The following BSCL2 variants were observed in gnomAD, a reference collection of about 807,000 sequenced individuals.
The protein encoded by BSCL2 is seipin.
A neutral mutation model predicts 57.4 loss-of-function variants in BSCL2; 41 were observed. That is an observed-to-expected ratio of 0.71 (90% CI 0.56 to 0.93). The LOEUF (loss-of-function observed/expected upper bound fraction) is 0.93, where lower values mean the gene tolerates loss of function less well. Ranked by LOEUF, BSCL2 falls within the 40% of genes least tolerant of loss-of-function variation. The pLI, the probability that BSCL2 is intolerant of heterozygous loss-of-function variation, is 0.00. For synonymous variants in BSCL2, 237 were observed against 227.3 expected, an observed-to-expected ratio of 1.04 and a Z score of -0.38; for missense variants, 539 against 586.7, an observed-to-expected ratio of 0.92 and a Z score of 0.84.
intron 3 of BSCL2, chr11:62,697,704 G>C (rs1380051357): frequency 2.0e-5 from 3 of 149,292 alleles, no homozygotes; most frequent in African/African-American, 4.9e-5. Flanking sequence ...TGAGGCAAGA[G>C]AATCACTTGA....
chr11:62,702,925 C>A (rs111937098), intron 2 of BSCL2, among the ~76,000 whole-genome samples: 1 of 151,972 alleles, frequency 6.6e-6, no homozygotes, highest in Admixed American at 6.5e-5. Flanking sequence ...CCGAGGAGGG[C>A]GGATCACCTG....
At chr11:62,695,584 G>A (rs1228530906) in intron 3 of BSCL2, among the ~76,000 whole-genome samples, 2 of 151,484 alleles carry the variant, frequency 1.3e-5, no homozygotes, top group African/African-American at 2.4e-5. Flanking sequence ...GGTGGCAGGC[G>A]CCTGTAATCT....
intron 1 of BSCL2, chr11:62,706,202 C>T: frequency 9.4e-7 from 1 of 1,063,500 alleles, no homozygotes; most frequent in Non-Finnish European, 1.1e-6. Context: ...GGAGCCCCTA[C>T]CTAATCGTGC....
chr11:62,691,986 A>G (rs1945323518), intron 6 of BSCL2, among the ~76,000 whole-genome samples: 1 of 151,386 alleles, frequency 6.6e-6, no homozygotes, highest in Non-Finnish European at 1.5e-5. Context: ...CGGGAGGCAG[A>G]GCTTGCAGTG....
intron 3 of BSCL2, 57 bp from the exon 4 acceptor site, chr11:62,694,768 C>T: frequency 6.4e-7 from 1 of 1,571,876 alleles, no homozygotes; most frequent in Non-Finnish European, 8.7e-7. Flanking sequence ...AATGTACTGT[C>T]TCTATTCCAC....
upstream of BSCL2, chr11:62,707,450 A>T (rs913261563): frequency 1.4e-6 from 1 of 692,768 alleles, no homozygotes; most frequent in Admixed American, 2.0e-5. Flanking sequence ...CAGCCAGTAC[A>T]GACTCCACTG....
intron 3 of BSCL2, among the ~76,000 whole-genome samples, chr11:62,701,786 C>T (rs979400321): frequency 1.4e-5 from 2 of 147,358 alleles, no homozygotes; most frequent in African/African-American, 2.5e-5. Flanking sequence ...GAGCTGAGAT[C>T]GCGCCACTGC....
In BSCL2 at chr11:62,691,423, T is replaced by G. The variant is rs766061024; in HGVS notation, c.864-2A>C. On this transcript the variant is annotated splice_acceptor_variant, in intron 6 of 10. Coordinates refer to ENST00000360796, the MANE Select transcript of BSCL2 (RefSeq NM_001122955.4). LOFTEE classifies it high-confidence loss of function. Reference sequence around the variant, plus strand: ...ATCGGGAAGTTGTATAGCAGGTATCTGAGGCAGGAAGTAGGGACAAGAAGG... The same window carrying G: ...ATCGGGAAGTTGTATAGCAGGTATCGGAGGCAGGAAGTAGGGACAAGAAGG... 3 of 1,614,058 alleles carry G rather than the reference T, an allele frequency of 1.9e-6. No individual in the cohort carries two copies.
upstream of BSCL2, chr11:62,708,513 C>A: frequency 8.1e-7 from 1 of 1,227,794 alleles, no homozygotes; most frequent in Non-Finnish European, 1.2e-6. Context: ...GGGGAGGAGT[C>A]TGGGGCTCTG....
chr11:62,705,912 G>A (rs1351737348), intron 1 of BSCL2: 2 of 394,080 alleles, frequency 5.1e-6, no homozygotes, highest in African/African-American at 2.0e-5. Context: ...CAAAGAATAA[G>A]CACCTTACGA....
rs747846786 is a variant in BSCL2, at chr11:62,690,829, C to T, written c.1111G>A (p.Val371Ile). The change falls in exon 9 of 11, where the codon GTT becomes ATT. Residue 371 changes from valine to isoleucine, a missense_variant. Val to Ile is a conservative substitution (Grantham distance 29). This residue lies in a region of BSCL2 where 248 missense variants were observed against 239.9 expected (regional missense o/e 1.03). Coordinates refer to ENST00000360796, the MANE Select transcript of BSCL2 (RefSeq NM_001122955.4). ...GQEESTPQSDVTEDGESPEDP... is the reference protein window; with the variant it reads ...GQEESTPQSDITEDGESPEDP... Reference sequence around the variant, plus strand: ...TCAGGGCTCTCACCATCCTCTGTAACATCTGATTGCGGAGTTGACTCCTCC... The same window carrying T: ...TCAGGGCTCTCACCATCCTCTGTAATATCTGATTGCGGAGTTGACTCCTCC... 1.9e-6 allele frequency: 3 copies of T among 1,613,724 alleles called. No homozygotes were observed. The South Asian group carries it at 3.3e-5, about 18-fold the overall frequency.
At chr11:62,705,855 T>G (rs966028703) in intron 1 of BSCL2, 5 of 533,834 alleles carry the variant, frequency 9.4e-6, no homozygotes, top group Non-Finnish European at 1.6e-5. Flanking sequence ...TCTCCAGTCA[T>G]TTGATGCTGG....
chr11:62,703,647 G>C (rs541829131), intron 2 of BSCL2, among the ~76,000 whole-genome samples: 7 of 151,024 alleles, frequency 4.6e-5, no homozygotes, highest in Non-Finnish European at 1.0e-4. Flanking sequence ...CACCGCGCCC[G>C]GCCGTATATA....
At chr11:62,705,199 C>G (rs189988639) in intron 2 of BSCL2, 102 bp downstream of exon 2, 8 of 1,306,514 alleles carry the variant, frequency 6.1e-6, no homozygotes, top group Non-Finnish European at 8.6e-6. Flanking sequence ...ACACCTGGCT[C>G]CAGTTTTCCT....
intron 4 of BSCL2, among the ~76,000 whole-genome samples, chr11:62,693,321 T>C (rs1411330289): frequency 6.6e-6 from 1 of 152,032 alleles, no homozygotes; most frequent in Admixed American, 6.6e-5. Flanking sequence ...CTGGTCAACA[T>C]GGTGAAACCC....
chr11:62,708,629 T>TCCCC, upstream of BSCL2: 1 of 1,605,720 alleles, frequency 6.2e-7, no homozygotes, highest in Non-Finnish European at 8.5e-7. Flanking sequence ...GAGGCTGCAG[T>TCCCC]CCCCTTCAGA....
At chr11:62,706,037 C>T (rs776669273) in intron 1 of BSCL2, 9 of 250,534 alleles carry the variant, frequency 3.6e-5, no homozygotes, top group Non-Finnish European at 5.6e-5. Flanking sequence ...AACCAGTAGC[C>T]TTAGAGTAGC....
intron 4 of BSCL2, 147 bp from the exon 5 acceptor site, chr11:62,692,944 G>A (rs2134697034): frequency 1.0e-6 from 1 of 990,232 alleles, no homozygotes; most frequent in Non-Finnish European, 1.5e-6. Context: ...CTACCCCTCA[G>A]TCTCATCCAA....
chr11:62,692,731 G>C lies in BSCL2; in HGVS notation c.697C>G (p.Leu233Val). The change falls in exon 5 of 11, where the codon CTA becomes GTA. Residue 233 changes from leucine to valine, a missense_variant. Around this residue, in one of 3 missense-constraint regions of BSCL2, gnomAD observed 73 missense variants for 122.0 expected, o/e 0.60. Transcript: ENST00000360796. ...LDTLVFSSLL[L>V]FGFAEQKQLL... ...TGCTTCTGCTCTGCAAAGCCAAATA[G>C]CAGGAGGCTAGAGAAGACCAGTGTG... 6.2e-7 allele frequency: 1 copy of C among 1,614,144 alleles called. No homozygotes were observed. The highest frequency in any genetic ancestry group is 8.5e-7 in the Non-Finnish European group (1 of 1,180,032).
Sources: allele counts gnomAD v4.1 joint callset (sites outside exome capture counted in the v4.1 genomes callset), GRCh38; gene constraint gnomAD v4.1.1; regional missense constraint gnomAD v4.1.1; transcripts MANE v1.5; gene names NCBI Gene and HGNC (gene_info 2026-07-23, HGNC 2026-07-21).